The following FGD6 variants were observed in gnomAD, a reference collection of about 807,000 sequenced individuals.
FGD6 encodes the protein FYVE, RhoGEF and PH domain-containing protein 6.
In FGD6, 90 loss-of-function variants were observed where a neutral mutation model predicts 149.4. That is an observed-to-expected ratio of 0.60 (90% CI 0.51 to 0.72). FGD6 has a LOEUF of 0.72. Among genes scored for constraint, FGD6 ranks in the 30% least tolerant of loss-of-function variants. The pLI is 0.00. For synonymous variants in FGD6, 527 were observed against 584.0 expected (o/e 0.90, Z 1.41); for missense variants, 1,437 against 1,684.8 (o/e 0.85, Z 2.57).
chr12:95,137,526 A>T lies in FGD6; in HGVS notation c.2990T>A (p.Phe997Tyr), dbSNP rs1879703347. 1 of 1,575,162 alleles carries T rather than the reference A, an allele frequency of 6.3e-7. No individual in the cohort carries two copies. Among genetic ancestry groups the T allele is most frequent in the African/African-American group, 1.4e-5 (1 of 73,334 alleles). ...NPGFAAVVREFEMSPRCANLA... is the reference protein window; with the variant it reads ...NPGFAAVVREYEMSPRCANLA... ...ACATTAGATAGTAGCAAATACCTCAAATTCTCTAACAACAGCAGCAAAACC... is the reference window on the plus strand; with the variant it reads ...ACATTAGATAGTAGCAAATACCTCATATTCTCTAACAACAGCAGCAAAACC... The change falls in exon 7 of 21, where the codon TTT becomes TAT. Residue 997 changes from phenylalanine (F) to tyrosine (Y), a missense_variant. Phe to Tyr is a conservative substitution (Grantham distance 22). Transcript: ENST00000343958.
intron 2 of FGD6, among the ~76,000 whole-genome samples, chr12:95,191,283 G>C (rs1881581777): frequency 6.6e-6 from 1 of 152,202 alleles, no homozygotes; most frequent in Admixed American, 6.5e-5. Flanking sequence ...TGCTCACCAT[G>C]TATCTAATAA....
Position 95,209,650 on chromosome 12 carries a change from C to G in FGD6, c.1634G>C (p.Cys545Ser), listed in dbSNP as rs765321609. The G allele has an allele frequency of 1.2e-6, 2 of 1,613,212 alleles. No homozygotes were observed. Among genetic ancestry groups the G allele is most frequent in the Non-Finnish European group, 1.7e-6 (2 of 1,179,832 alleles). ...SLERNHLQHL[C>S]AQNRGVSSSF... ...GGATGACACACCACGGTTTTGGGCA[C>G]ACAAATGCTGAAGGTGATTTCTTTC... is the stretch of plus-strand genomic sequence containing the variant. The change falls in exon 2 of 21, where the codon TGT becomes TCT. Residue 545 changes from cysteine to serine, a missense_variant. This residue lies in a region of FGD6 where 1,055 missense variants were observed against 1,146.0 expected (regional missense o/e 0.92). Coordinates refer to ENST00000343958, the MANE Select transcript of FGD6 (RefSeq NM_018351.4).
rs749193009 is a variant in FGD6 at position 95,113,634 on chromosome 12, C to A, written c.3133+17G>T. ...AAACATAATATAAAAACTTCTGCAA[C>A]CACAGAAGTTATTTACCTTGAGTGT... is the stretch of plus-strand genomic sequence containing the variant. On this transcript the variant is annotated intron_variant, in intron 9 of 20. Transcript: ENST00000343958. 1 of 1,571,256 alleles carries A rather than the reference C, an allele frequency of 6.4e-7. No homozygotes were observed. The highest frequency in any genetic ancestry group is 1.2e-5 in the South Asian group (1 of 86,478).
At chr12:95,163,426 T>A (rs1360700033) in intron 3 of FGD6, among the ~76,000 whole-genome samples, 1 of 152,224 alleles carries the variant, frequency 6.6e-6, no homozygotes, top group African/African-American at 2.4e-5. Flanking sequence ...TTCTTATTCA[T>A]GTAATATTTA....
At chr12:95,105,179 C>CA (rs1878572289) in intron 13 of FGD6, 93 bp from the exon 14 acceptor site, 16 of 993,376 alleles carry the variant, frequency 1.6e-5, no homozygotes. Context: ...TGCTTACATC[C>CA]ACAACCAATC....
At chr12:95,196,466 G>A (rs960354396) in intron 2 of FGD6, among the ~76,000 whole-genome samples, 1 of 151,492 alleles carries the variant, frequency 6.6e-6, no homozygotes, top group Admixed American at 6.6e-5. Flanking sequence ...TCCTGACCTC[G>A]TGATCCACCC....
intron 2 of FGD6, among the ~76,000 whole-genome samples, chr12:95,203,497 C>T (rs2136300297): frequency 1.3e-5 from 2 of 152,300 alleles, no homozygotes; most frequent in South Asian, 2.1e-4. Context: ...AGACTTGGTT[C>T]AAGTGTTGCC....
chr12:95,096,801 C>A (rs1460981763), intron 14 of FGD6, among the ~76,000 whole-genome samples: 2 of 152,218 alleles, frequency 1.3e-5, no homozygotes, highest in Non-Finnish European at 2.9e-5. Context: ...GACTGGACCT[C>A]TCACCACCAG....
intron 3 of FGD6, among the ~76,000 whole-genome samples, chr12:95,159,894 C>G (rs1472670681): frequency 6.6e-6 from 1 of 152,082 alleles, no homozygotes; most frequent in Non-Finnish European, 1.5e-5. Flanking sequence ...GTAGTCCCAG[C>G]TACTTGGGAG....
chr12:95,174,688 G>A (rs1326185780), intron 2 of FGD6, among the ~76,000 whole-genome samples: 1 of 152,100 alleles, frequency 6.6e-6, no homozygotes. Context: ...CAGCACTTTG[G>A]GAAGCTGAGG....
intron 8 of FGD6, chr12:95,126,380 C>T: frequency 6.6e-7 from 1 of 1,521,536 alleles, no homozygotes; most frequent in African/African-American, 1.4e-5. Context: ...AGGCATCTGG[C>T]AAGAAAGCAT....
chr12:95,164,697 C>T (rs181321722), intron 3 of FGD6, among the ~76,000 whole-genome samples: 1 of 152,268 alleles, frequency 6.6e-6, no homozygotes, highest in East Asian at 1.9e-4. Context: ...TCCCATAGTG[C>T]TGGGATTACA....
At chr12:95,100,016 C>A (rs1451930143) in intron 14 of FGD6, among the ~76,000 whole-genome samples, 4 of 150,758 alleles carry the variant, frequency 2.7e-5, no homozygotes, top group African/African-American at 9.8e-5. Context: ...CTGGGATTTG[C>A]TTCTGGTCTC....
At chr12:95,188,866 G>A (rs560915922) in intron 2 of FGD6, among the ~76,000 whole-genome samples, 1 of 151,398 alleles carries the variant, frequency 6.6e-6, no homozygotes, top group East Asian at 1.9e-4. Context: ...GGATGAATTA[G>A]AGAAAGCTAT....
rs60238488 is a variant in FGD6, at chr12:95,114,443, T to TACACACAC, written c.3083-750_3083-743dup. Among the ~76,000 whole-genome samples the TACACACAC allele has an allele frequency of 3.2e-3, 403 of 125,434 alleles. 3 individuals carry two copies. The highest frequency in any genetic ancestry group is 4.1e-3 in the Non-Finnish European group (248 of 59,936). The allele number at this position is 125,434 out of a possible 152,430, so 82.3% of individuals were successfully genotyped here. On this transcript the variant is annotated intron_variant, in intron 8 of 20. Transcript: ENST00000343958. The stretch of plus-strand genomic sequence containing the variant: ...CAACATGGGGAAACCCCATCTCTAC[T>TACACACAC]ACACACACACACACACACACACACA...
intron 3 of FGD6, among the ~76,000 whole-genome samples, chr12:95,158,539 G>A (rs952076373): frequency 4.6e-5 from 7 of 151,862 alleles, no homozygotes; most frequent in Non-Finnish European, 1.0e-4. Context: ...TGACCTGGCA[G>A]ACCACATATC....
chr12:95,150,035 T>C (rs1223505551), intron 5 of FGD6, among the ~76,000 whole-genome samples: 2 of 110,812 alleles, frequency 1.8e-5, no homozygotes, highest in African/African-American at 3.3e-5. Flanking sequence ...CACACACACT[T>C]TTTTTTTTTG....
chr12:95,126,730 CAAAA>C (rs66512721), intron 8 of FGD6, among the ~76,000 whole-genome samples: 6 of 127,384 alleles, frequency 4.7e-5, no homozygotes, highest in Non-Finnish European at 4.9e-5. Context: ...GACTCAGTCT[CAAAA>C]AAAAAAAAAA....
At chr12:95,164,059 A>T (rs1750418531) in intron 3 of FGD6, among the ~76,000 whole-genome samples, 2 of 152,226 alleles carry the variant, frequency 1.3e-5, no homozygotes, top group South Asian at 2.1e-4. Context: ...CCTGTTAAAT[A>T]ACAGCGTCTC....
Sources: gnomAD v4.1 joint callset for allele counts (sites outside exome capture counted in the v4.1 genomes callset) on GRCh38, gnomAD v4.1.1 for gene constraint, gnomAD v4.1.1 regional missense constraint, MANE v1.5 for transcripts, NCBI Gene and HGNC (gene_info 2026-07-23, HGNC 2026-07-21) for gene names.